The following SNX13 variants were observed in gnomAD, a reference collection of about 807,000 sequenced individuals.
SNX13 encodes the protein sorting nexin-13.
In SNX13, 45 loss-of-function variants were observed where a neutral mutation model predicts 133.6. The observed-to-expected ratio is 0.34, with a 90% CI of 0.27 to 0.43. SNX13 has a LOEUF of 0.43. Among genes scored for constraint, SNX13 ranks in the 20% least tolerant of loss-of-function variants. The pLI, the probability that SNX13 is intolerant of heterozygous loss-of-function variation, is 1.00. For synonymous variants in SNX13, 414 were observed against 373.9 expected (o/e 1.11, Z -1.24); for missense variants, 1,032 against 1,145.1 (o/e 0.90, Z 1.43).
intron 11 of SNX13, among the ~76,000 whole-genome samples, chr7:17,848,849 G>A (rs1473969019): frequency 6.6e-6 from 1 of 152,218 alleles, no homozygotes; most frequent in Non-Finnish European, 1.5e-5. Context: ...GTCCTGCGAA[G>A]GGGTCAGGGA....
chr7:17,931,819 T>C (rs1180435921), intron 1 of SNX13, among the ~76,000 whole-genome samples: 1 of 152,212 alleles, frequency 6.6e-6, no homozygotes, highest in African/African-American at 2.4e-5. Flanking sequence ...ACTTGAACAG[T>C]GGAACAGAGC....
intron 9 of SNX13, among the ~76,000 whole-genome samples, chr7:17,858,792 G>C (rs922261454): frequency 6.6e-6 from 1 of 151,982 alleles, no homozygotes; most frequent in Non-Finnish European, 1.5e-5. Flanking sequence ...GAAAAGAAGA[G>C]GCCAGAATCA....
intron 1 of SNX13, chr7:17,899,616 T>A (rs941978019): frequency 1.2e-4 from 18 of 151,992 alleles, no homozygotes; most frequent in Admixed American, 2.0e-4. Flanking sequence ...GTAGGTCAAC[T>A]GCATTTTTCA....
rs151067347 is a variant in SNX13, at chr7:17,815,541, C to T, written c.1954-597G>A. Among the ~76,000 whole-genome samples, 743 of 152,278 alleles carry T rather than the reference C, an allele frequency of 4.9e-3. 5 individuals are homozygous for T. The highest frequency in any genetic ancestry group is 0.017 in the African/African-American group (717 of 41,562). On this transcript the variant is annotated intron_variant, in intron 19 of 25. Transcript: ENST00000428135. ...TCAAAGTTACAGTGAGCTATGATTG[C>T]ATCACTGCACTCCAGCCTGGGTGAC... is the stretch of plus-strand genomic sequence containing the variant.
chr7:17,936,759 A>G (rs1802078409), intron 1 of SNX13, among the ~76,000 whole-genome samples: 1 of 152,062 alleles, frequency 6.6e-6, no homozygotes, highest in Non-Finnish European at 1.5e-5. Context: ...ATTAATTAAA[A>G]CAAATTCTCA....
At chr7:17,813,557 TC>T (rs1786300760) in intron 20 of SNX13, among the ~76,000 whole-genome samples, 1 of 151,844 alleles carries the variant, frequency 6.6e-6, no homozygotes, top group Middle Eastern at 3.5e-3. Context: ...AACTATACAA[TC>T]AAAAATCCTG....
chr7:17,935,464 T>C (rs1223742884), intron 1 of SNX13, among the ~76,000 whole-genome samples: 1 of 152,208 alleles, frequency 6.6e-6, no homozygotes, highest in Non-Finnish European at 1.5e-5. Flanking sequence ...CAATCATGTA[T>C]TTTATTTTTT....
intron 1 of SNX13, among the ~76,000 whole-genome samples, chr7:17,911,647 A>G (rs1798996848): frequency 6.6e-6 from 1 of 152,126 alleles, no homozygotes; most frequent in South Asian, 2.1e-4. Flanking sequence ...CAAAAAAAAA[A>G]AAAAAAAAGT....
At position 17,793,194 on chromosome 7, in the gene SNX13, A is replaced by T. The variant is rs1339064660; in HGVS notation, c.*851T>A. On this transcript the variant is annotated 3_prime_UTR_variant, in exon 26 of 26. Transcript: ENST00000428135. ...CCATATTTTTAGAAGGACAAAATGTATTTGGCAGTTCTTCCAATAAATTAT... is the reference window on the plus strand; with the variant it reads ...CCATATTTTTAGAAGGACAAAATGTTTTTGGCAGTTCTTCCAATAAATTAT... The T allele has an allele frequency of 6.6e-6, 1 of 152,334 alleles. No homozygotes were observed. Among genetic ancestry groups the T allele is most frequent in the African/African-American group, 2.4e-5 (1 of 41,422 alleles). 9.4% of individuals were successfully genotyped at this position (152,334 alleles called of 1,614,324 possible).
chr7:17,798,865 T>A, intron 23 of SNX13, 107 bp from the exon 24 acceptor site: 1 of 1,226,052 alleles, frequency 8.2e-7, no homozygotes, highest in Non-Finnish European at 1.1e-6. Flanking sequence ...AAATTATCCC[T>A]GAGAGCAACA....
intron 9 of SNX13, among the ~76,000 whole-genome samples, chr7:17,855,291 C>T (rs982859980): frequency 6.6e-6 from 1 of 152,160 alleles, no homozygotes; most frequent in Non-Finnish European, 1.5e-5. Context: ...AGCAGCAAGT[C>T]CTGATGTAGA....
chr7:17,891,716 G>GTAAC, intron 3 of SNX13, 81 bp from the exon 4 acceptor site: 1 of 868,130 alleles, frequency 1.2e-6, no homozygotes, highest in Non-Finnish European at 1.8e-6. Context: ...AATACTCAAT[G>GTAAC]TAACATCCCT....
intron 18 of SNX13, among the ~76,000 whole-genome samples, chr7:17,820,554 G>A (rs1562698382): frequency 6.6e-6 from 1 of 152,010 alleles, no homozygotes; most frequent in East Asian, 1.9e-4. Context: ...ATAGGCTTCA[G>A]AAGTCAACAT....
chr7:17,831,057 A>T (rs1313335647), intron 15 of SNX13: 2 of 984,226 alleles, frequency 2.0e-6, no homozygotes, highest in Admixed American at 1.2e-4. Flanking sequence ...CTCCTTATTC[A>T]ATTATATGCC....
At chr7:17,921,305 G>A (rs766011329) in intron 1 of SNX13, among the ~76,000 whole-genome samples, 5 of 152,126 alleles carry the variant, frequency 3.3e-5, no homozygotes, top group Non-Finnish European at 5.9e-5. Context: ...ATCATAGAGA[G>A]ATAAATACAT....
intron 9 of SNX13, among the ~76,000 whole-genome samples, chr7:17,852,644 T>A (rs1019243334): frequency 2.6e-5 from 4 of 152,076 alleles, no homozygotes; most frequent in Non-Finnish European, 5.9e-5. Context: ...CTGCCTAAAA[T>A]GGAATGTAAG....
At chr7:17,929,062 G>A (rs530336391) in intron 1 of SNX13, among the ~76,000 whole-genome samples, 1 of 151,926 alleles carries the variant, frequency 6.6e-6, no homozygotes. Context: ...ATTTGAGAAG[G>A]GGTAGAAAGA....
chr7:17,861,281 C>T (rs1792640922), intron 9 of SNX13, among the ~76,000 whole-genome samples: 2 of 151,950 alleles, frequency 1.3e-5, no homozygotes, highest in Non-Finnish European at 2.9e-5. Flanking sequence ...AAATGTCAGG[C>T]AGCCATCAGG....
intron 1 of SNX13, among the ~76,000 whole-genome samples, chr7:17,932,631 G>T (rs1307356062): frequency 6.6e-6 from 1 of 152,144 alleles, no homozygotes; most frequent in African/African-American, 2.4e-5. Flanking sequence ...TACTCTATTA[G>T]GGAAAAACAT....
Sources: allele counts gnomAD v4.1 joint callset (sites outside exome capture counted in the v4.1 genomes callset), GRCh38; gene constraint gnomAD v4.1.1; transcripts MANE v1.5; gene names NCBI Gene and HGNC (gene_info 2026-07-23, HGNC 2026-07-21).